The following TAF5L variants were observed in gnomAD, a reference collection of about 807,000 sequenced individuals.
The protein encoded by TAF5L is TAF5-like RNA polymerase II p300/CBP-associated factor-associated factor 65 kDa subunit 5L.
Under a neutral mutation model 51.3 loss-of-function variants are expected in TAF5L, and 7 were observed. That is an observed-to-expected ratio of 0.14 (90% confidence interval 0.08 to 0.26). The LOEUF (loss-of-function observed/expected upper bound fraction) is 0.26, where lower values mean the gene tolerates loss of function less well. TAF5L is among the 10% of genes least tolerant of loss of function. The pLI, the probability that TAF5L is intolerant of heterozygous loss-of-function variation, is 1.00. For synonymous variants in TAF5L, 291 were observed against 308.1 expected, an observed-to-expected ratio of 0.94 and a Z score of 0.58; for missense variants, 575 against 758.9, an observed-to-expected ratio of 0.76 and a Z score of 2.85.
intron 3 of TAF5L, among the ~76,000 whole-genome samples, chr1:229,604,520 C>A (rs1465363416): frequency 6.6e-6 from 1 of 152,050 alleles, no homozygotes; most frequent in Non-Finnish European, 1.5e-5. Flanking sequence ...TGATCCTGCC[C>A]AAGAGGAACT....
At chr1:229,597,608 C>G (rs1021027980) in intron 4 of TAF5L, among the ~76,000 whole-genome samples, 3 of 152,230 alleles carry the variant, frequency 2.0e-5, no homozygotes, top group African/African-American at 7.2e-5. Flanking sequence ...TTTCACTTCT[C>G]TCTCCTGCCG....
chr1:229,622,528 T>C (rs1409306867), intron 1 of TAF5L, among the ~76,000 whole-genome samples: 2 of 152,132 alleles, frequency 1.3e-5, no homozygotes, highest in African/African-American at 2.4e-5. Context: ...ACTACCATTT[T>C]CCTTTTGAAA....
chr1:229,619,164 A>G (rs904428522), intron 1 of TAF5L, among the ~76,000 whole-genome samples: 2 of 152,260 alleles, frequency 1.3e-5, no homozygotes, highest in Admixed American at 6.5e-5. Flanking sequence ...TCAAAAGATC[A>G]GTCTAAGTAG....
chr1:229,614,439 C>T (rs1664899637), exon 2 of TAF5L: 2 of 1,614,070 alleles, frequency 1.2e-6, no homozygotes, highest in South Asian at 2.2e-5. Context: ...TTTGAGGTAG[C>T]AGGACACTGC....
intron 3 of TAF5L, among the ~76,000 whole-genome samples, chr1:229,604,503 G>A (rs1377682933): frequency 1.3e-5 from 2 of 152,162 alleles, no homozygotes; most frequent in Non-Finnish European, 2.9e-5. Flanking sequence ...GTGTTGGCTG[G>A]GGTAATTGAT....
At chr1:229,613,648 T>C (rs1204510142) in intron 2 of TAF5L, among the ~76,000 whole-genome samples, 2 of 152,210 alleles carry the variant, frequency 1.3e-5, no homozygotes, top group Non-Finnish European at 2.9e-5. Flanking sequence ...AGGATGTCTG[T>C]AGATGTAACC....
At position 229,625,440 on chromosome 1, in the gene TAF5L, T is replaced by C. The variant is rs751323739; in HGVS notation, c.-4+445A>G. 2.6e-5 allele frequency among the ~76,000 whole-genome samples: 4 copies of C among 152,126 alleles called. No homozygotes were observed. The highest frequency in any genetic ancestry group is 4.4e-5 in the Non-Finnish European group (3 of 68,022). ...CCACGCACGATCACCATGTGCAAAG[T>C]TGAATCCCGACTTCGCCGCAAAGAC... On this transcript the variant is annotated intron_variant, in intron 1 of 4. Coordinates refer to ENST00000258281, the Ensembl canonical transcript of TAF5L. The surrounding 1 kb of genome is among the most constrained non-coding windows in gnomAD (Gnocchi z 4.0).
At chr1:229,614,121 G>A (rs1571848778) in intron 2 of TAF5L, 4 of 721,704 alleles carry the variant, frequency 5.5e-6, no homozygotes, top group Admixed American at 4.4e-5. Context: ...TTAGCCAGGG[G>A]AATCACAGAG....
At chr1:229,618,555 T>C (rs1490432581) in intron 1 of TAF5L, among the ~76,000 whole-genome samples, 1 of 152,224 alleles carries the variant, frequency 6.6e-6, no homozygotes. Context: ...TTCAACCAAG[T>C]TGCTATATAA....
At chr1:229,599,172 G>T in intron 4 of TAF5L, 1 of 756,386 alleles carries the variant, frequency 1.3e-6, no homozygotes, top group Non-Finnish European at 1.6e-6. Flanking sequence ...TTAAGTGGGA[G>T]ACAACAGAAG....
intron 4 of TAF5L, among the ~76,000 whole-genome samples, chr1:229,598,411 T>C (rs1463038445): frequency 6.6e-6 from 1 of 152,216 alleles, no homozygotes; most frequent in African/African-American, 2.4e-5. Context: ...ACACAGATTA[T>C]AGAATTGAGT....
chr1:229,604,458 C>A (rs1047227295), intron 3 of TAF5L, among the ~76,000 whole-genome samples: 1 of 152,194 alleles, frequency 6.6e-6, no homozygotes, highest in South Asian at 2.1e-4. Context: ...GGGCTCCTCA[C>A]ACCTCTGAAT....
At chr1:229,600,789 T>C in intron 4 of TAF5L, 1 of 985,376 alleles carries the variant, frequency 1.0e-6, no homozygotes, top group Non-Finnish European at 1.2e-6. Context: ...GTGGCCAGAG[T>C]CTTAAAATGT....
intron 3 of TAF5L, chr1:229,606,354 A>G: frequency 1.1e-6 from 1 of 934,700 alleles, no homozygotes; most frequent in Non-Finnish European, 1.3e-6. Flanking sequence ...AGTAACAAAC[A>G]TATCCTCTGA....
intron 3 of TAF5L, among the ~76,000 whole-genome samples, chr1:229,608,931 A>C (rs993950412): frequency 3.3e-5 from 5 of 152,178 alleles, no homozygotes; most frequent in Non-Finnish European, 7.3e-5. Flanking sequence ...TTGATCTCAG[A>C]AGGTCAAGGC....
chr1:229,600,883 C>T (rs1009098028), intron 4 of TAF5L: 2 of 985,082 alleles, frequency 2.0e-6, no homozygotes, highest in Non-Finnish European at 2.4e-6. Flanking sequence ...TCTCCAAACT[C>T]TGTATCATCA....
Position 229,604,738 on chromosome 1 carries a change from A to G in TAF5L, c.248-1819T>C, listed in dbSNP as rs569581425. Among the ~76,000 whole-genome samples, 4 of 152,296 alleles carry G rather than the reference A, an allele frequency of 2.6e-5. No homozygotes were observed. In the South Asian group the frequency reaches 6.2e-4, roughly 24 times the overall value. ...CAGCTTGCGAGATGAGTGCAAAGGG[A>G]ATACAGAATGGGTAGTGGAAAGAGG... On this transcript the variant is annotated intron_variant, in intron 3 of 4. Transcript: ENST00000258281.
chr1:229,614,182 C>CT, intron 2 of TAF5L, 159 bp downstream of exon 2: 1 of 1,185,594 alleles, frequency 8.4e-7, no homozygotes, highest in East Asian at 2.5e-5. Context: ...GACAGGGTCT[C>CT]TGAGGCCAAC....
rs79316959 is a variant in TAF5L at position 229,615,637 on chromosome 1, T to C, written c.-3-1152A>G. On this transcript the variant is annotated intron_variant, in intron 1 of 4. Coordinates refer to ENST00000258281, the Ensembl canonical transcript of TAF5L. Reference sequence around the variant, plus strand: ...AAAAAGAAAAAAAAAAAAGAGGCACTGTTTCCTTTGACTATTGAGTTTATT... The same window carrying C: ...AAAAAGAAAAAAAAAAAAGAGGCACCGTTTCCTTTGACTATTGAGTTTATT... Among the ~76,000 whole-genome samples, 1,165 of 150,582 alleles carry C rather than the reference T, an allele frequency of 7.7e-3. 14 individuals are homozygous for C. Among genetic ancestry groups the C allele is most frequent in the African/African-American group, 0.027 (1,104 of 41,198 alleles).
Sources: allele counts gnomAD v4.1 joint callset (sites outside exome capture counted in the v4.1 genomes callset), GRCh38; gene constraint gnomAD v4.1.1; non-coding constraint Gnocchi (gnomAD v3.1); transcripts MANE v1.5; gene names NCBI Gene and HGNC (gene_info 2026-07-23, HGNC 2026-07-21).